Variants in TMTC2 observed in about 807,000 individuals in gnomAD.
The protein encoded by TMTC2 is protein O-mannosyl-transferase TMTC2.
Under a neutral mutation model 82.4 loss-of-function variants are expected in TMTC2, and 43 were observed. The ratio of observed to expected loss-of-function variants is 0.52; its 90% CI spans 0.41 to 0.67. The LOEUF is 0.67. TMTC2 is among the 30% of genes least tolerant of loss of function. TMTC2 has a pLI of 0.00. For missense variants in TMTC2, 919 were observed against 1,012.4 expected, an observed-to-expected ratio of 0.91 and a Z score of 1.25; for synonymous variants, 408 against 381.9, an observed-to-expected ratio of 1.07 and a Z score of -0.80.
chr12:82,830,305 A>G (rs1313548350), intron 1 of TMTC2, among the ~76,000 whole-genome samples: 1 of 151,554 alleles, frequency 6.6e-6, no homozygotes, highest in African/African-American at 2.4e-5. Flanking sequence ...TAAAATGTTA[A>G]TTGATCCTCG....
intron 8 of TMTC2, among the ~76,000 whole-genome samples, chr12:82,997,784 A>G (rs1295846138): frequency 3.9e-5 from 6 of 152,022 alleles, no homozygotes. Flanking sequence ...CTTTGAAAAA[A>G]AAATCCAGTA....
At chr12:83,037,554 G>A (rs1015951266) in intron 9 of TMTC2, among the ~76,000 whole-genome samples, 5 of 152,122 alleles carry the variant, frequency 3.3e-5, no homozygotes, top group African/African-American at 1.2e-4. Flanking sequence ...TCTAAGAAGA[G>A]CATCAGCAAT....
chr12:82,966,147 A>T (rs974596789), intron 6 of TMTC2, among the ~76,000 whole-genome samples: 5 of 152,158 alleles, frequency 3.3e-5, no homozygotes, highest in Non-Finnish European at 5.9e-5. Flanking sequence ...TATTTTAAAA[A>T]ATATATTCTT....
intron 4 of TMTC2, among the ~76,000 whole-genome samples, chr12:82,931,222 A>G (rs1592636008): frequency 6.6e-6 from 1 of 151,248 alleles, no homozygotes; most frequent in Non-Finnish European, 1.5e-5. Context: ...ATTATTAATG[A>G]TAGATTTTGT....
chr12:82,955,892 C>G (rs985256385), intron 4 of TMTC2, among the ~76,000 whole-genome samples: 1 of 151,806 alleles, frequency 6.6e-6, no homozygotes, highest in East Asian at 1.9e-4. Context: ...TAAAATTGAC[C>G]CTATTACTTA....
chr12:82,839,933 T>C (rs1870245487), intron 1 of TMTC2, among the ~76,000 whole-genome samples: 1 of 152,218 alleles, frequency 6.6e-6, no homozygotes. Context: ...GCTATTGGGC[T>C]TAATTTATGA....
At chr12:83,036,288 T>TA (rs938978661) in intron 9 of TMTC2, among the ~76,000 whole-genome samples, 1 of 152,138 alleles carries the variant, frequency 6.6e-6, no homozygotes, top group African/African-American at 2.4e-5. Context: ...ACACAAATTG[T>TA]AAAAATAGTA....
chr12:82,811,289 T>C (rs1289849055), intron 1 of TMTC2, among the ~76,000 whole-genome samples: 4 of 152,098 alleles, frequency 2.6e-5, no homozygotes, highest in African/African-American at 9.7e-5. Context: ...CAGTTCTTTA[T>C]AGCAGTATGA....
chr12:82,897,065 T>G (rs1873725666), intron 3 of TMTC2, among the ~76,000 whole-genome samples: 1 of 152,196 alleles, frequency 6.6e-6, no homozygotes, highest in African/African-American at 2.4e-5. Flanking sequence ...CCTGAGGAAA[T>G]ACAAGACTTT....
chr12:83,039,421 T>A (rs941510128), intron 9 of TMTC2, among the ~76,000 whole-genome samples: 1 of 152,036 alleles, frequency 6.6e-6, no homozygotes, highest in African/African-American at 2.4e-5. Flanking sequence ...TTATGAAATA[T>A]TCAAATATGA....
chr12:82,814,458 T>G (rs1868574520), intron 1 of TMTC2, among the ~76,000 whole-genome samples: 1 of 152,106 alleles, frequency 6.6e-6, no homozygotes, highest in Non-Finnish European at 1.5e-5. Flanking sequence ...TAGAGACAGA[T>G]TGTGGCAGAC....
chr12:82,826,299 A>G (rs1869417441), intron 1 of TMTC2, among the ~76,000 whole-genome samples: 1 of 152,156 alleles, frequency 6.6e-6, no homozygotes, highest in Non-Finnish European at 1.5e-5. Flanking sequence ...ATAGAGGGGT[A>G]TGTGGGAGCA....
intron 1 of TMTC2, among the ~76,000 whole-genome samples, chr12:82,822,424 C>G (rs1285238767): frequency 6.6e-6 from 1 of 152,108 alleles, no homozygotes; most frequent in Non-Finnish European, 1.5e-5. Flanking sequence ...GCTCTCTGTA[C>G]TTTCTGCTGA....
At chr12:83,077,746 T>G (rs1883331803) in intron 11 of TMTC2, among the ~76,000 whole-genome samples, 1 of 152,072 alleles carries the variant, frequency 6.6e-6, no homozygotes, top group African/African-American at 2.4e-5. Context: ...AGCTAATTTT[T>G]GTATTTTTAG....
At position 82,687,506 on chromosome 12, in the gene TMTC2, G is replaced by A. The variant is rs1223265833; in HGVS notation, c.-81G>A. 5 of 1,354,054 alleles carry A rather than the reference G, an allele frequency of 3.7e-6. No individual in the cohort carries two copies. The African/African-American group carries it at 5.7e-5, about 15-fold the overall frequency. 83.9% of individuals were successfully genotyped at this position (1,354,054 alleles called of 1,614,324 possible). A position where few individuals can be genotyped will look rare whatever the true frequency, so the allele number is the denominator to read the frequency against. Reference sequence around the variant, plus strand: ...AAGCTGGGAGGAGAAGGCGGCGGAAGGTGGAGATTGATGCTTCTGTTTTTT... The same window carrying A: ...AAGCTGGGAGGAGAAGGCGGCGGAAAGTGGAGATTGATGCTTCTGTTTTTT... On this transcript the variant is annotated 5_prime_UTR_variant, in exon 1 of 12. Transcript: ENST00000321196.
At chr12:82,746,507 A>G (rs1003103105) in intron 1 of TMTC2, among the ~76,000 whole-genome samples, 1 of 152,176 alleles carries the variant, frequency 6.6e-6, no homozygotes, top group Non-Finnish European at 1.5e-5. Context: ...TGAGGGACAT[A>G]CACCCACATG....
intron 11 of TMTC2, among the ~76,000 whole-genome samples, chr12:83,108,397 C>G (rs1268319456): frequency 6.6e-6 from 1 of 152,012 alleles, no homozygotes. Flanking sequence ...TTTAGGAGGC[C>G]AAGGCAGGCG....
At chr12:82,804,161 T>G (rs1215439008) in intron 1 of TMTC2, among the ~76,000 whole-genome samples, 1 of 152,104 alleles carries the variant, frequency 6.6e-6, no homozygotes, top group Admixed American at 6.6e-5. Flanking sequence ...GAATGAGAAG[T>G]GCAGCCTCAC....
At chr12:82,833,571 G>A (rs1239287137) in intron 1 of TMTC2, among the ~76,000 whole-genome samples, 3 of 152,172 alleles carry the variant, frequency 2.0e-5, no homozygotes, top group African/African-American at 7.2e-5. Context: ...CTCACAAAAT[G>A]TGTAGTATAT....
Sources: allele counts gnomAD v4.1 joint callset (sites outside exome capture counted in the v4.1 genomes callset), GRCh38; gene constraint gnomAD v4.1.1; transcripts MANE v1.5; gene names NCBI Gene and HGNC (gene_info 2026-07-23, HGNC 2026-07-21).